Variants in ATP8B2 observed in about 807,000 individuals in gnomAD.
The protein encoded by ATP8B2 is phospholipid-transporting ATPase ID.
In ATP8B2, 70 loss-of-function variants were observed where a neutral mutation model predicts 133.4. That is an observed-to-expected ratio of 0.52 (90% CI 0.43 to 0.64). ATP8B2 has a LOEUF of 0.64. Among genes scored for constraint, ATP8B2 ranks in the 30% least tolerant of loss-of-function variants. The probability of loss-of-function intolerance (pLI) is 0.00; values close to 1 mark genes in which losing one functional copy is unlikely to be tolerated. For missense variants in ATP8B2, 1,101 were observed against 1,535.7 expected (o/e 0.72, Z 4.73); for synonymous variants, 517 against 589.5 (o/e 0.88, Z 1.78).
At chr1:154,341,365 G>A (rs1439107190) in intron 13 of ATP8B2, 1 of 415,908 alleles carries the variant, frequency 2.4e-6, no homozygotes, top group Non-Finnish European at 4.5e-6. Flanking sequence ...TGCACCTGTG[G>A]TCTCAGCTGG....
Position 154,344,348 on chromosome 1 carries a change from G to C in ATP8B2, c.2036-47G>C. On this transcript the variant is annotated intron_variant, in intron 19 of 27. Transcript: ENST00000368489. This position sits in a 1 kb window ranked among gnomAD's most constrained non-coding sequence, Gnocchi z 4.1. Reference sequence around the variant, plus strand: ...AGGACATCAGGCAGGCAAGTGTGCTGACCTTGTTGGGTGCCTGTCCGTAGC... The same window carrying C: ...AGGACATCAGGCAGGCAAGTGTGCTCACCTTGTTGGGTGCCTGTCCGTAGC... The C allele has an allele frequency of 6.2e-7, 1 of 1,614,126 alleles. No individual in the cohort carries two copies. Among genetic ancestry groups the C allele is most frequent in the Non-Finnish European group, 8.5e-7 (1 of 1,179,984 alleles).
In ATP8B2 at chr1:154,330,825, T is replaced by A. The variant is rs1253516437; in HGVS notation, c.101T>A (p.Ile34Asn). 6.2e-7 allele frequency: 1 copy of A among 1,613,860 alleles called. No homozygotes were observed. The highest frequency in any genetic ancestry group is 2.2e-5 in the East Asian group (1 of 44,892). The change falls in exon 4 of 28, where the codon ATC becomes AAC. Residue 34 changes from isoleucine (I) to asparagine (N), a missense_variant. By Grantham distance (149) the Ile-to-Asn change is moderately radical. Transcript: ENST00000368489. ...NEKFQYASNC[I>N]KTSKYNILTF... ...CTCCTACTGCCATAGAGTAACTGCA[T>A]CAAGACCTCCAAGTACAATATTCTC...
chr1:154,344,380 G>A lies in ATP8B2; in HGVS notation c.2036-15G>A, dbSNP rs528734969. ...TTGGGTGCCTGTCCGTAGCTCCTGC[G>A]TTCTCTCTTGGTAGAGACGGCTGTG... On this transcript the variant is annotated splice_polypyrimidine_tract_variant and intron_variant, in intron 19 of 27. Coordinates refer to ENST00000368489, the MANE Select transcript of ATP8B2 (RefSeq NM_001370597.1). This position sits in a 1 kb window ranked among gnomAD's most constrained non-coding sequence, Gnocchi z 4.1. The A allele has an allele frequency of 1.1e-5, 17 of 1,614,186 alleles. No homozygotes were observed. Among genetic ancestry groups the A allele is most frequent in the South Asian group, 2.2e-5 (2 of 91,090 alleles).
At position 154,343,825 on chromosome 1, in the gene ATP8B2, T is replaced by C. The variant is rs1570868165; in HGVS notation, c.1759-68T>C. 6.6e-7 allele frequency: 1 copy of C among 1,519,850 alleles called. No homozygotes were observed. The highest frequency in any genetic ancestry group is 1.3e-5 in the South Asian group (1 of 79,918). The allele number at this position is 1,519,850 out of a possible 1,614,324, so 94.1% of individuals were successfully genotyped here. The stretch of plus-strand genomic sequence containing the variant: ...CCAGTCTACAGTGCAGGATTATTCA[T>C]TGTCGCCCTCACGCTGTCCATTAGC... On this transcript the variant is annotated intron_variant, in intron 17 of 27. Transcript: ENST00000368489. The surrounding 1 kb of genome is among the most constrained non-coding windows in gnomAD (Gnocchi z 5.8).
chr1:154,326,593 GC>G (rs1237253755), intron 1 of ATP8B2, among the ~76,000 whole-genome samples: 3 of 152,018 alleles, frequency 2.0e-5, no homozygotes, highest in African/African-American at 4.8e-5. Flanking sequence ...TGGAATGATG[GC>G]CCCCCCAGAG....
At position 154,334,028 on chromosome 1, in the gene ATP8B2, C is replaced by A; in HGVS notation, c.590-79C>A. The stretch of plus-strand genomic sequence containing the variant: ...GCCCTTGCATCCTCTTCGCTCAGCT[C>A]ATTTTCTCTTTGTTTTATTGTCTTG... On this transcript the variant is annotated intron_variant, in intron 9 of 27. Coordinates refer to ENST00000368489, the MANE Select transcript of ATP8B2 (RefSeq NM_001370597.1). This position sits in a 1 kb window ranked among gnomAD's most constrained non-coding sequence, Gnocchi z 4.6. The A allele has an allele frequency of 6.5e-7, 1 of 1,540,430 alleles. No homozygotes were observed. Among genetic ancestry groups the A allele is most frequent in the South Asian group, 1.2e-5 (1 of 83,628 alleles).
Position 154,344,783 on chromosome 1 carries a change from C to T in ATP8B2, c.2284C>T (p.Leu762=). 6.3e-7 allele frequency: 1 copy of T among 1,596,244 alleles called. No homozygotes were observed. Among genetic ancestry groups the T allele is most frequent in the Non-Finnish European group, 8.6e-7 (1 of 1,166,008 alleles). The stretch of plus-strand genomic sequence containing the variant: ...CGCCCTGGTCATAAATGGTCACAGC[C>T]TGGTAGGCATCGCTATCCTTAGCTT... The part of the protein sequence containing the change: ...EYALVINGHS[L]AHALEADMEL... Residue 762 remains leucine, a splice_region_variant and synonymous_variant, in exon 21 of 28, where the codon CTG becomes TTG. Transcript: ENST00000368489. The surrounding 1 kb of genome is among the most constrained non-coding windows in gnomAD (Gnocchi z 4.1).
rs1323496011 is a variant in ATP8B2 at position 154,346,243 on chromosome 1, C to A, written c.2791C>A (p.Gln931Lys). 5 of 1,613,828 alleles carry A rather than the reference C, an allele frequency of 3.1e-6. No homozygotes were observed. Among genetic ancestry groups the A allele is most frequent in the Non-Finnish European group, 4.2e-6 (5 of 1,179,948 alleles). ...TCCTCCCACACAGGATGTCCCCGAG[C>A]AGCGGAGCATGGAGTACCCTAAGCT... ...MGVFDQDVPE[Q>K]RSMEYPKLYE... The change falls in exon 25 of 28, where the codon CAG becomes AAG. Residue 931 changes from glutamine (Q) to lysine (K), a missense_variant. Coordinates refer to ENST00000368489, the MANE Select transcript of ATP8B2 (RefSeq NM_001370597.1). This position sits in a 1 kb window ranked among gnomAD's most constrained non-coding sequence, Gnocchi z 4.5.
In ATP8B2 at chr1:154,330,433, C is replaced by T. The variant is rs1402286392; in HGVS notation, c.69C>T (p.Tyr23=). ...GGGCGCGGGCTAATGACCGAGAATA[C>T]AATGAGAAATTCCAGTATGCGGTAA... ...ERRARANDRE[Y]NEKFQYASNC... Residue 23 remains tyrosine (Y), a synonymous_variant, in exon 3 of 28, where the codon TAC becomes TAT. Transcript: ENST00000368489. 6.3e-7 allele frequency: 1 copy of T among 1,597,680 alleles called. No homozygotes were observed.
At chr1:154,330,486 T>A (rs1377834435) in intron 3 of ATP8B2, 32 bp downstream of exon 3, 4 of 1,604,570 alleles carry the variant, frequency 2.5e-6, no homozygotes, top group Non-Finnish European at 3.4e-6. Context: ...GTTCCCTCTC[T>A]CTGTTTGGAG....
Position 154,331,146 on chromosome 1 carries a change from T to C in ATP8B2, c.303T>C (p.Tyr101=), listed in dbSNP as rs2149160912. ...CTGTTAAAGATGCCACTGATGACTA[T>C]GTGAGTGGTTTTCATTCTTCTATTT... The part of the protein sequence containing the change: ...ITAVKDATDD[Y]FRHKSDNQVN... Residue 101 remains tyrosine (Y), a splice_region_variant and synonymous_variant, in exon 5 of 28, where the codon TAT becomes TAC. Coordinates refer to ENST00000368489, the MANE Select transcript of ATP8B2 (RefSeq NM_001370597.1). This position sits in a 1 kb window ranked among gnomAD's most constrained non-coding sequence, Gnocchi z 4.8. 6.2e-7 allele frequency: 1 copy of C among 1,612,322 alleles called. No homozygotes were observed. The highest frequency in any genetic ancestry group is 8.5e-7 in the Non-Finnish European group (1 of 1,178,408).
In ATP8B2 at chr1:154,340,687, G is replaced by A; in HGVS notation, c.1035-167G>A. Reference sequence around the variant, plus strand: ...GTTCCTCTGCTGGCTGTGTGCAGCCGGCTCCACCTTCAGGCTCTCCTTGCC... The same window carrying A: ...GTTCCTCTGCTGGCTGTGTGCAGCCAGCTCCACCTTCAGGCTCTCCTTGCC... On this transcript the variant is annotated intron_variant, in intron 12 of 27. Coordinates refer to ENST00000368489, the MANE Select transcript of ATP8B2 (RefSeq NM_001370597.1). This position sits in a 1 kb window ranked among gnomAD's most constrained non-coding sequence, Gnocchi z 4.0. The A allele has an allele frequency of 9.1e-6, 6 of 658,338 alleles. No individual in the cohort carries two copies. Among genetic ancestry groups the A allele is most frequent in the Admixed American group, 5.6e-5 (2 of 35,914 alleles). 40.8% of individuals were successfully genotyped at this position (658,338 alleles called of 1,614,324 possible).
In ATP8B2 at chr1:154,331,140, T is replaced by A; in HGVS notation, c.297T>A (p.Asp99Glu). ...TCACAGCTGTTAAAGATGCCACTGA[T>A]GACTATGTGAGTGGTTTTCATTCTT... ...LTITAVKDAT[D>E]DYFRHKSDNQ... The change falls in exon 5 of 28, where the codon GAT becomes GAA. Residue 99 changes from aspartate to glutamate, a missense_variant. By Grantham distance (45) the Asp-to-Glu change is conservative. Transcript: ENST00000368489. This position sits in a 1 kb window ranked among gnomAD's most constrained non-coding sequence, Gnocchi z 4.8. 6.2e-7 allele frequency: 1 copy of A among 1,612,852 alleles called. No individual in the cohort carries two copies. Among genetic ancestry groups the A allele is most frequent in the Non-Finnish European group, 8.5e-7 (1 of 1,178,884 alleles).
chr1:154,345,013 A>G lies in ATP8B2; in HGVS notation c.2329A>G (p.Thr777Ala), dbSNP rs200305485. 1.2e-4 allele frequency: 190 copies of G among 1,614,074 alleles called. 2 individuals carry two copies. The East Asian group carries it at 2.7e-3, about 23-fold the overall frequency. The change falls in exon 22 of 28, where the codon ACA becomes GCA. Residue 777 changes from threonine (T) to alanine (A), a missense_variant. Coordinates refer to ENST00000368489, the MANE Select transcript of ATP8B2 (RefSeq NM_001370597.1). This position sits in a 1 kb window ranked among gnomAD's most constrained non-coding sequence, Gnocchi z 5.6. Reference protein sequence around the residue: ...EADMELEFLETACACKAVICC... With the variant: ...EADMELEFLEAACACKAVICC... The stretch of plus-strand genomic sequence containing the variant: ...AGACATGGAGCTGGAGTTTCTGGAG[A>G]CAGCGTGTGCCTGCAAAGCTGTCAT...
At chr1:154,329,763 C>T (rs1347622683) in intron 2 of ATP8B2, among the ~76,000 whole-genome samples, 1 of 152,226 alleles carries the variant, frequency 6.6e-6, no homozygotes, top group East Asian at 1.9e-4. Context: ...ACCCCCCACA[C>T]CTTTTTCTAC....
In ATP8B2 at chr1:154,330,869, C is replaced by G. The variant is rs146860968; in HGVS notation, c.145C>G (p.Leu49Val). ...TATTCTCACCTTCCTGCCTGTCAACCTCTTTGAGCAGTTCCAGGAAGTTGC... is the reference window on the plus strand; with the variant it reads ...TATTCTCACCTTCCTGCCTGTCAACGTCTTTGAGCAGTTCCAGGAAGTTGC... ...YNILTFLPVN[L>V]FEQFQEVANT... The change falls in exon 4 of 28, where the codon CTC becomes GTC. Residue 49 changes from leucine (L) to valine (V), a missense_variant. Physicochemically the swap from Leu to Val is conservative, Grantham distance 32 (BLOSUM62 1). Coordinates refer to ENST00000368489, the MANE Select transcript of ATP8B2 (RefSeq NM_001370597.1). 4 of 1,614,196 alleles carry G rather than the reference C, an allele frequency of 2.5e-6. No homozygotes were observed.
chr1:154,327,775 CAT>C (rs771355610), intron 1 of ATP8B2: 6 of 1,608,218 alleles, frequency 3.7e-6, no homozygotes, highest in Admixed American at 1.7e-5. Flanking sequence ...CGCCAGAACA[CAT>C]GAGAGCCTCC....
intron 9 of ATP8B2, 63 bp downstream of exon 9, chr1:154,332,760 G>A (rs776822568): frequency 1.6e-5 from 20 of 1,260,862 alleles, no homozygotes; most frequent in East Asian, 5.1e-5. Flanking sequence ...GTTTGGGGGC[G>A]TTAAATTATA....
Position 154,334,522 on chromosome 1 carries a change from G to A in ATP8B2, c.768G>A (p.Met256Ile). 1 of 1,614,070 alleles carries A rather than the reference G, an allele frequency of 6.2e-7. No homozygotes were observed. The highest frequency in any genetic ancestry group is 2.2e-5 in the East Asian group (1 of 44,864). Residue 256 changes from methionine to isoleucine, a missense_variant, in exon 11 of 28, where the codon ATG (methionine) becomes ATA (isoleucine). Physicochemically the swap from Met to Ile is conservative, Grantham distance 10 (BLOSUM62 1). Coordinates refer to ENST00000368489, the MANE Select transcript of ATP8B2 (RefSeq NM_001370597.1). This position sits in a 1 kb window ranked among gnomAD's most constrained non-coding sequence, Gnocchi z 4.6. ...VIFAGPDTKLMQNSGRTKFKR... is the reference protein window; with the variant it reads ...VIFAGPDTKLIQNSGRTKFKR... ...TTCCAGGTCCCGACACTAAGCTGAT[G>A]CAAAACAGCGGCAGAACAAAGTTCA...
Sources: allele counts gnomAD v4.1 joint callset (sites outside exome capture counted in the v4.1 genomes callset), GRCh38; gene constraint gnomAD v4.1.1; non-coding constraint Gnocchi (gnomAD v3.1); transcripts MANE v1.5; gene names NCBI Gene and HGNC (gene_info 2026-07-23, HGNC 2026-07-21).